The following PCID2 variants were observed in gnomAD, a reference collection of about 807,000 sequenced individuals.
PCID2 encodes PCI domain-containing protein 2.
PCID2 carries 41 observed loss-of-function variants against 61.3 expected under a neutral mutation model. The observed-to-expected ratio is 0.67, with a 90% confidence interval of 0.52 to 0.87. The LOEUF is 0.87. Ranked by LOEUF, PCID2 falls within the 40% of genes least tolerant of loss-of-function variation. The probability of loss-of-function intolerance (pLI) is 0.00; values close to 1 mark genes in which losing one functional copy is unlikely to be tolerated. For missense variants in PCID2, 392 were observed against 493.4 expected, an observed-to-expected ratio of 0.79 and a Z score of 1.95; for synonymous variants, 187 against 177.8, an observed-to-expected ratio of 1.05 and a Z score of -0.41.
chr13:113,196,123 A>G, intron 5 of PCID2, 58 bp downstream of exon 5: 2 of 1,288,676 alleles, frequency 1.6e-6, no homozygotes. Context: ...AAATTTGTAA[A>G]AAGATTCTGC....
In PCID2 at chr13:113,208,592, G is replaced by A; in HGVS notation, c.36+7C>T. 2.5e-6 allele frequency: 4 copies of A among 1,603,946 alleles called. No individual in the cohort carries two copies. Among genetic ancestry groups the A allele is most frequent in the Non-Finnish European group, 3.4e-6 (4 of 1,175,722 alleles). On this transcript the variant is annotated splice_region_variant and intron_variant, in intron 1 of 13. Transcript: ENST00000337344. ...ACGCCGCCGCGCGCTCCCCGGCTAG[G>A]ACCCACCTGCTGCAGGTACTGGTTA...
At position 113,199,344 on chromosome 13, in the gene PCID2, TATAA is replaced by T. The variant is rs747125707; in HGVS notation, c.126+1079_127-1081del. On this transcript the variant is annotated intron_variant, in intron 2 of 13. Transcript: ENST00000337344. ...GACCCAGTTCCTCATACTAAATCTC[TATAA>T]ATATTGATATATCCCACTGGCTCTG... Among the ~76,000 whole-genome samples the T allele has an allele frequency of 4.3e-4, 66 of 152,336 alleles. 1 individual carries two copies. Among genetic ancestry groups the T allele is most frequent in the Non-Finnish European group, 8.2e-4 (56 of 68,022 alleles).
chr13:113,190,063 C>T (rs1459607828), intron 7 of PCID2, among the ~76,000 whole-genome samples: 4 of 151,698 alleles, frequency 2.6e-5, no homozygotes, highest in Admixed American at 6.6e-5. Context: ...AGACTAACAG[C>T]GGCCTGTGAG....
downstream of PCID2, among the ~76,000 whole-genome samples, chr13:113,176,682 G>C (rs1472256018): frequency 6.6e-6 from 1 of 152,202 alleles, no homozygotes; most frequent in Non-Finnish European, 1.5e-5. Flanking sequence ...AAGATCACTT[G>C]AGTCTCGGAG....
In PCID2 at chr13:113,178,740, T is replaced by C. The variant is rs113937954; in HGVS notation, c.1110+226A>G. ...CGAGGGGGGTTGGAGAATCGACAGATACCGAGGGATGTACCGCCAGTAAAG... is the reference window on the plus strand; with the variant it reads ...CGAGGGGGGTTGGAGAATCGACAGACACCGAGGGATGTACCGCCAGTAAAG... On this transcript the variant is annotated intron_variant, in intron 13 of 13. Transcript: ENST00000337344. Among the ~76,000 whole-genome samples, 10 of 152,302 alleles carry C rather than the reference T, an allele frequency of 6.6e-5. 1 individual carries two copies. The highest frequency in any genetic ancestry group is 2.4e-4 in the African/African-American group (10 of 41,556).
chr13:113,197,147 C>T (rs764680541), intron 4 of PCID2, 31 bp downstream of exon 4: 7 of 1,613,882 alleles, frequency 4.3e-6, no homozygotes, highest in South Asian at 3.3e-5. Context: ...GTGTTCTATG[C>T]GGGACAGCTG....
chr13:113,184,792 G>C (rs1742446692), intron 8 of PCID2, among the ~76,000 whole-genome samples: 1 of 151,980 alleles, frequency 6.6e-6, no homozygotes, highest in Non-Finnish European at 1.5e-5. Flanking sequence ...CCCTGCAGGA[G>C]CCTGTGCTAG....
downstream of PCID2, among the ~76,000 whole-genome samples, chr13:113,176,538 A>AATTGCCCCGACAGAACTGTGG: frequency 5.9e-5 from 3 of 50,748 alleles, no homozygotes; most frequent in African/African-American, 1.5e-4. Context: ...GAGGTGGGGG[A>AATTGCCCCGACAGAACTGTGG]ATTGCTTTAG....
intron 1 of PCID2, chr13:113,207,986 A>C (rs773569045): frequency 6.4e-7 from 1 of 1,556,022 alleles, no homozygotes; most frequent in East Asian, 2.2e-5. Context: ...TTGAATCTTT[A>C]CAAGTGTCCA....
downstream of PCID2, among the ~76,000 whole-genome samples, chr13:113,175,123 C>T (rs906088223): frequency 2.6e-5 from 4 of 152,300 alleles, no homozygotes; most frequent in South Asian, 8.3e-4. Context: ...TCCTGAGGTC[C>T]CCCGAGTCAT....
chr13:113,180,435 T>G (rs1566942357), intron 10 of PCID2, among the ~76,000 whole-genome samples: 1 of 152,190 alleles, frequency 6.6e-6, no homozygotes, highest in Non-Finnish European at 1.5e-5. Flanking sequence ...CTTTTGTCAT[T>G]CCATGACACG....
the PCID2 span, among the ~76,000 whole-genome samples, chr13:113,170,863 C>T: frequency 6.6e-6 from 1 of 151,812 alleles, no homozygotes; most frequent in African/African-American, 2.4e-5. Context: ...CTCGAATCCC[C>T]CAGCAGTTGA....
At chr13:113,202,152 C>G (rs780590752) in intron 1 of PCID2, among the ~76,000 whole-genome samples, 5 of 152,198 alleles carry the variant, frequency 3.3e-5, no homozygotes, top group Non-Finnish European at 5.9e-5. Flanking sequence ...CTAAAGCAAG[C>G]AAACGCCTAC....
intron 9 of PCID2, among the ~76,000 whole-genome samples, chr13:113,181,877 A>G (rs955121282): frequency 3.3e-5 from 5 of 152,234 alleles, no homozygotes; most frequent in African/African-American, 1.2e-4. Flanking sequence ...AGGCCTGCAA[A>G]GAGTTCAGCA....
At chr13:113,194,950 C>G in intron 6 of PCID2, 121 bp downstream of exon 6, 1 of 737,144 alleles carries the variant, frequency 1.4e-6, no homozygotes, top group Non-Finnish European at 2.5e-6. Context: ...GCTCCCTATA[C>G]CAGACACATC....
In PCID2 at chr13:113,179,898, G is replaced by T. The variant is rs2037468586; in HGVS notation, c.986+19C>A. ...CCGAGAGCCACACTGGGAGCCCAATGTGCCGGGGAAATGCTTACACTTTCT... is the reference window on the plus strand; with the variant it reads ...CCGAGAGCCACACTGGGAGCCCAATTTGCCGGGGAAATGCTTACACTTTCT... On this transcript the variant is annotated intron_variant, in intron 12 of 13. Transcript: ENST00000337344. The surrounding 1 kb of genome is among the most constrained non-coding windows in gnomAD (Gnocchi z 4.3). 2 of 1,606,306 alleles carry T rather than the reference G, an allele frequency of 1.2e-6. No homozygotes were observed. Among genetic ancestry groups the T allele is most frequent in the Non-Finnish European group, 1.7e-6 (2 of 1,175,862 alleles).
chr13:113,190,708 C>G (rs540686875), intron 7 of PCID2, 164 bp downstream of exon 7: 6 of 446,096 alleles, frequency 1.3e-5, no homozygotes, highest in Non-Finnish European at 2.4e-5. Context: ...ATTTCCTTTA[C>G]AAAACAATCA....
At chr13:113,171,854 C>T in the PCID2 span, 4 of 1,613,550 alleles carry the variant, frequency 2.5e-6, no homozygotes, top group East Asian at 6.7e-5. This position sits in a 1 kb window ranked among gnomAD's most constrained non-coding sequence, Gnocchi z 5.1. Context: ...GACCACGCGG[C>T]CTGTCACACT....
At chr13:113,178,739 A>G (rs1203961814) in intron 13 of PCID2, among the ~76,000 whole-genome samples, 2 of 152,182 alleles carry the variant, frequency 1.3e-5, no homozygotes, top group Non-Finnish European at 2.9e-5. Flanking sequence ...GAATCGACAG[A>G]TACCGAGGGA....
Sources: allele counts gnomAD v4.1 joint callset (sites outside exome capture counted in the v4.1 genomes callset), GRCh38; gene constraint gnomAD v4.1.1; non-coding constraint Gnocchi (gnomAD v3.1); transcripts MANE v1.5; gene names NCBI Gene and HGNC (gene_info 2026-07-23, HGNC 2026-07-21).